LRP1B: variants seen among roughly 807,000 people sequenced by gnomAD.
The protein encoded by LRP1B is low-density lipoprotein receptor-related protein 1B.
LRP1B carries 217 observed loss-of-function variants against 556.6 expected under a neutral mutation model. The ratio of observed to expected loss-of-function variants is 0.39; its 90% CI spans 0.35 to 0.44. LRP1B has a LOEUF of 0.44. Ranked by LOEUF, LRP1B falls within the 20% of genes least tolerant of loss-of-function variation. The probability of loss-of-function intolerance (pLI) is 1.00; values close to 1 mark genes in which losing one functional copy is unlikely to be tolerated. For synonymous variants in LRP1B, 2,047 were observed against 1,865.8 expected (o/e 1.10, Z -2.50); for missense variants, 5,053 against 5,620.8 (o/e 0.90, Z 3.23).
intron 1 of LRP1B, among the ~76,000 whole-genome samples, chr2:142,045,379 C>G (rs1250147035): frequency 6.6e-6 from 1 of 151,812 alleles, no homozygotes; most frequent in Non-Finnish European, 1.5e-5. Context: ...TTTCAAGGAA[C>G]GTTCTCATAC....
chr2:141,774,894 G>T (rs545782618), intron 2 of LRP1B, among the ~76,000 whole-genome samples: 1 of 152,230 alleles, frequency 6.6e-6, no homozygotes, highest in African/African-American at 2.4e-5. Context: ...CAAGTACATT[G>T]ATTCTCTTCC....
rs375034338 is a variant in LRP1B, at chr2:141,401,781, T to TG, written c.343+78614dup. Among the ~76,000 whole-genome samples, 955 of 152,154 alleles carry TG rather than the reference T, an allele frequency of 6.3e-3. 11 individuals are homozygous for TG. Among genetic ancestry groups the TG allele is most frequent in the African/African-American group, 0.021 (891 of 41,528 alleles). On this transcript the variant is annotated intron_variant, in intron 3 of 90. Transcript: ENST00000389484. Reference sequence around the variant, plus strand: ...ATTTCTTTATCACATTTTCATACAGTGGGGGGAAAAATACCTGGCACTACC... The same window carrying TG: ...ATTTCTTTATCACATTTTCATACAGTGGGGGGGAAAAATACCTGGCACTACC...
intron 3 of LRP1B, among the ~76,000 whole-genome samples, chr2:141,458,207 T>G (rs941698589): frequency 3.3e-5 from 5 of 152,170 alleles, no homozygotes; most frequent in African/African-American, 1.2e-4. Context: ...ATAAAAATAA[T>G]TGAGAACAAA....
Position 141,082,450 on chromosome 2 carries a change from A to G in LRP1B, c.1014-20177T>C, listed in dbSNP as rs934747645. On this transcript the variant is annotated intron_variant, in intron 7 of 90. Transcript: ENST00000389484. ...TTATTCTACCTGGTTTGTGAAGACT[A>G]TGATCAGAATACATGACTCTCTGAG... Among the ~76,000 whole-genome samples the G allele has an allele frequency of 5.9e-5, 9 of 152,238 alleles. No individual in the cohort carries two copies. The East Asian group carries it at 9.6e-4, about 16-fold the overall frequency.
chr2:141,633,271 G>T (rs1688978599), intron 2 of LRP1B, among the ~76,000 whole-genome samples: 1 of 152,096 alleles, frequency 6.6e-6, no homozygotes, highest in Admixed American at 6.6e-5. Context: ...AACTGTAATT[G>T]TGTATTCCAT....
At chr2:141,876,045 G>A (rs1470999207) in intron 1 of LRP1B, among the ~76,000 whole-genome samples, 1 of 151,886 alleles carries the variant, frequency 6.6e-6, no homozygotes, top group Non-Finnish European at 1.5e-5. Context: ...ATAATTTACT[G>A]ATTTTCTTTG....
At position 140,231,571 on chromosome 2, in the gene LRP1B, C is replaced by A. The variant is rs1573656354; in HGVS notation, c.*1615G>T. 6.6e-6 allele frequency: 1 copy of A among 151,486 alleles called. No individual in the cohort carries two copies. Among genetic ancestry groups the A allele is most frequent in the African/African-American group, 2.4e-5 (1 of 41,248 alleles). The allele number at this position is 151,486 out of a possible 1,614,324, so 9.4% of individuals were successfully genotyped here. On this transcript the variant is annotated 3_prime_UTR_variant, in exon 91 of 91. Transcript: ENST00000389484. Reference sequence around the variant, plus strand: ...TTTAAAAAATGTACTTAAACAAGAACCTGAAAAAGTTTATGATATGCATAA... The same window carrying A: ...TTTAAAAAATGTACTTAAACAAGAAACTGAAAAAGTTTATGATATGCATAA...
chr2:141,330,221 A>C (rs1687591086), intron 3 of LRP1B, among the ~76,000 whole-genome samples: 1 of 152,344 alleles, frequency 6.6e-6, no homozygotes. Context: ...AATCAAATCA[A>C]ATATGTCAAC....
At chr2:140,715,531 A>C (rs935117792) in intron 37 of LRP1B, among the ~76,000 whole-genome samples, 4 of 152,242 alleles carry the variant, frequency 2.6e-5, no homozygotes, top group Middle Eastern at 3.4e-3. Context: ...CAAAACAAAA[A>C]AAGAAGTAAA....
intron 60 of LRP1B, among the ~76,000 whole-genome samples, chr2:140,468,283 T>C (rs1687628705): frequency 6.6e-6 from 1 of 152,170 alleles, no homozygotes; most frequent in African/African-American, 2.4e-5. Flanking sequence ...CATACTGCAA[T>C]TTCCACCAGG....
intron 2 of LRP1B, among the ~76,000 whole-genome samples, chr2:141,759,269 C>A (rs1694443458): frequency 6.6e-6 from 1 of 152,108 alleles, no homozygotes; most frequent in Non-Finnish European, 1.5e-5. Context: ...GCTCTAAACT[C>A]ATTTGCAGAA....
intron 2 of LRP1B, among the ~76,000 whole-genome samples, chr2:141,704,416 A>G (rs904838172): frequency 1.3e-5 from 2 of 151,952 alleles, no homozygotes; most frequent in Admixed American, 6.6e-5. Flanking sequence ...AAGTACGTAC[A>G]CTTTTATTAT....
In LRP1B at chr2:140,362,818, A is replaced by G. The variant is rs138920460; in HGVS notation, c.11131+1843T>C. On this transcript the variant is annotated intron_variant, in intron 72 of 90. Coordinates refer to ENST00000389484, the MANE Select transcript of LRP1B (RefSeq NM_018557.3). ...CAAATTACTATACTTTATAGTATGT[A>G]TCACAGTTTGTAAGTATATATTTTT... 3.8e-3 allele frequency among the ~76,000 whole-genome samples: 570 copies of G among 151,818 alleles called. 4 individuals are homozygous for G. The highest frequency in any genetic ancestry group is 0.013 in the African/African-American group (548 of 41,500).
At chr2:141,972,815 A>T (rs1343647256) in intron 1 of LRP1B, among the ~76,000 whole-genome samples, 1 of 151,686 alleles carries the variant, frequency 6.6e-6, no homozygotes, top group African/African-American at 2.4e-5. Flanking sequence ...AATCAACTTG[A>T]ATTAAAGTAT....
At chr2:140,714,166 T>C (rs985944157) in intron 37 of LRP1B, among the ~76,000 whole-genome samples, 2 of 152,170 alleles carry the variant, frequency 1.3e-5, no homozygotes, top group Admixed American at 1.3e-4. Flanking sequence ...GCCAGCATAC[T>C]TCACAGTGTC....
chr2:141,024,789 C>T (rs1698171560), intron 11 of LRP1B, among the ~76,000 whole-genome samples: 2 of 151,920 alleles, frequency 1.3e-5, no homozygotes, highest in Non-Finnish European at 2.9e-5. Context: ...GGTGTCAGTT[C>T]CCTTTACTTC....
chr2:141,670,505 G>C (rs1690626149), intron 2 of LRP1B, among the ~76,000 whole-genome samples: 2 of 152,172 alleles, frequency 1.3e-5, no homozygotes, highest in Non-Finnish European at 2.9e-5. Flanking sequence ...CTATGGGCAA[G>C]GGGATGACTG....
At chr2:140,245,849 C>G (rs1385680232) in intron 87 of LRP1B, among the ~76,000 whole-genome samples, 1 of 151,394 alleles carries the variant, frequency 6.6e-6, no homozygotes, top group Non-Finnish European at 1.5e-5. Flanking sequence ...CATAGCTTCC[C>G]TATGGCCTCA....
At chr2:141,063,755 A>G (rs1699404722) in intron 7 of LRP1B, among the ~76,000 whole-genome samples, 1 of 151,930 alleles carries the variant, frequency 6.6e-6, no homozygotes, top group African/African-American at 2.4e-5. Flanking sequence ...ACTATAGAAC[A>G]GTCTTCACTA....
Sources: gnomAD v4.1 joint callset for allele counts (sites outside exome capture counted in the v4.1 genomes callset) on GRCh38, gnomAD v4.1.1 for gene constraint, MANE v1.5 for transcripts, NCBI Gene and HGNC (gene_info 2026-07-23, HGNC 2026-07-21) for gene names.